Variants in ADA observed in about 807,000 individuals in gnomAD.
ADA encodes adenosine deaminase.
Under a neutral mutation model 49.0 loss-of-function variants are expected in ADA, and 45 were observed. That is an observed-to-expected ratio of 0.92 (90% CI 0.72 to 1.18). The LOEUF is 1.18. ADA is among the 50% of genes most tolerant of loss of function. The pLI is 0.00. For missense variants in ADA, 445 were observed against 472.5 expected (o/e 0.94, Z 0.54); for synonymous variants, 173 against 184.2 (o/e 0.94, Z 0.49).
intron 1 of ADA, among the ~76,000 whole-genome samples, chr20:44,637,883 A>C (rs2065494900): frequency 6.6e-6 from 1 of 152,222 alleles, no homozygotes; most frequent in African/African-American, 2.4e-5. Flanking sequence ...CCACCCAGCC[A>C]AACGTCTGTT....
Position 44,624,205 on chromosome 20 carries a change from G to A in ADA, c.603C>T (p.Tyr201=). 6.2e-7 allele frequency: 1 copy of A among 1,611,268 alleles called. No homozygotes were observed. Among genetic ancestry groups the A allele is most frequent in the South Asian group, 1.1e-5 (1 of 90,566 alleles). Residue 201 remains tyrosine (Y), a synonymous_variant, in exon 6 of 12, where the codon TAC becomes TAT. Coordinates refer to ENST00000372874, the MANE Select transcript of ADA (RefSeq NM_000022.4). ...SSLLPGHVQA[Y]QEAVKSGIHR... ...CATTCCTTCTCACAGGACCCACCTGGTAGGCCTGGACATGTCCAGGCAAGA... is the reference window on the plus strand; with the variant it reads ...CATTCCTTCTCACAGGACCCACCTGATAGGCCTGGACATGTCCAGGCAAGA...
rs2065310910 is a variant in ADA at position 44,619,851 on chromosome 20, C to T, written c.1079-4G>A. Reference sequence around the variant, plus strand: ...TGGCGTCTTCAGAGGTTCTGCCCTGCTCGTTGGTTCAGAGAAGCAAAAAGA... The same window carrying T: ...TGGCGTCTTCAGAGGTTCTGCCCTGTTCGTTGGTTCAGAGAAGCAAAAAGA... On this transcript the variant is annotated splice_polypyrimidine_tract_variant and splice_region_variant and intron_variant, in intron 11 of 11. Coordinates refer to ENST00000372874, the MANE Select transcript of ADA (RefSeq NM_000022.4). 1 of 1,614,046 alleles carries T rather than the reference C, an allele frequency of 6.2e-7. No individual in the cohort carries two copies. Among genetic ancestry groups the T allele is most frequent in the African/African-American group, 1.3e-5 (1 of 74,918 alleles).
chr20:44,642,631 C>T (rs1289435935), intron 1 of ADA, among the ~76,000 whole-genome samples: 5 of 151,968 alleles, frequency 3.3e-5, no homozygotes, highest in Non-Finnish European at 5.9e-5. Context: ...TTGCAGAGGC[C>T]GAAGCAAAGG....
In ADA at chr20:44,626,523, C is replaced by A; in HGVS notation, c.295G>T (p.Glu99Ter). The stretch of plus-strand genomic sequence containing the variant: ...AGCAGGTGCGGACTGTACCGCACCT[C>A]CACATACACCACGCCCTCTTTGGCC... ...MKAKEGVVYV[E>*]VRYSPHLLAN... Residue 99 changes from glutamate (E) to a stop codon, truncating the protein, a stop_gained, in exon 4 of 12, where the codon GAG becomes TAG. Transcript: ENST00000372874. LOFTEE classifies it high-confidence loss of function. The A allele has an allele frequency of 6.2e-7, 1 of 1,614,190 alleles. No homozygotes were observed. The highest frequency in any genetic ancestry group is 2.2e-5 in the East Asian group (1 of 44,878).
chr20:44,640,651 T>G (rs1488676731), intron 1 of ADA, among the ~76,000 whole-genome samples: 2 of 132,966 alleles, frequency 1.5e-5, no homozygotes, highest in South Asian at 2.7e-4. Context: ...TGGGTGAAAG[T>G]GCAAAACTCC....
chr20:44,639,913 A>C (rs2065516067), intron 1 of ADA, among the ~76,000 whole-genome samples: 1 of 152,100 alleles, frequency 6.6e-6, no homozygotes, highest in Admixed American at 6.6e-5. Context: ...AACTTTGACC[A>C]GCACAAGCAC....
intron 9 of ADA, 139 bp from the exon 10 acceptor site, chr20:44,621,286 G>T: frequency 8.6e-7 from 1 of 1,159,506 alleles, no homozygotes; most frequent in Non-Finnish European, 1.2e-6. Flanking sequence ...TGCAGAGGGG[G>T]AAATAAATTC....
intron 2 of ADA, among the ~76,000 whole-genome samples, chr20:44,629,852 C>T (rs2065417723): frequency 6.6e-6 from 1 of 152,200 alleles, no homozygotes; most frequent in South Asian, 2.1e-4. Flanking sequence ...GCCTCCATTT[C>T]TCCCCAAGCA....
chr20:44,641,457 GGA>G (rs2065533520), intron 1 of ADA, among the ~76,000 whole-genome samples: 1 of 150,580 alleles, frequency 6.6e-6, no homozygotes, highest in East Asian at 2.0e-4. Flanking sequence ...TAGCAGCCTT[GGA>G]GGGGGCAGGA....
At chr20:44,651,185 G>A (rs2065641943) in intron 1 of ADA, among the ~76,000 whole-genome samples, 1 of 152,320 alleles carries the variant, frequency 6.6e-6, no homozygotes, top group African/African-American at 2.4e-5. Context: ...TGAGCACTCA[G>A]TAGGCGCCGG....
At chr20:44,628,090 T>TGAAA (rs1465842241) in intron 3 of ADA, among the ~76,000 whole-genome samples, 1 of 151,326 alleles carries the variant, frequency 6.6e-6, no homozygotes, top group Non-Finnish European at 1.5e-5. Flanking sequence ...CCATGAAGAG[T>TGAAA]GAAAATGAAG....
At chr20:44,625,720 A>C (rs2065376425) in intron 4 of ADA, 36 bp from the exon 5 acceptor site, 3 of 1,514,056 alleles carry the variant, frequency 2.0e-6, no homozygotes, top group Non-Finnish European at 2.7e-6. Flanking sequence ...GGCCTGAGGC[A>C]AAAGGAAGGC....
chr20:44,629,439 T>TGTGC (rs2065413510), intron 2 of ADA, among the ~76,000 whole-genome samples: 1 of 150,312 alleles, frequency 6.7e-6, no homozygotes, highest in African/African-American at 2.5e-5. Context: ...TGTGTGTGTG[T>TGTGC]ATGTGTGCAC....
chr20:44,620,826 C>G (rs1292828621), intron 10 of ADA, 192 bp downstream of exon 10: 9 of 736,498 alleles, frequency 1.2e-5, no homozygotes, highest in African/African-American at 3.5e-5. Context: ...AGCAAAGGAT[C>G]AAAAACCTGG....
intron 6 of ADA, 105 bp from the exon 7 acceptor site, chr20:44,623,183 C>T: frequency 2.6e-6 from 4 of 1,525,886 alleles, no homozygotes; most frequent in Non-Finnish European, 2.7e-6. Context: ...ATGCTGCCTG[C>T]TTCAACAGCA....
chr20:44,632,589 A>G (rs1325310868), intron 2 of ADA, among the ~76,000 whole-genome samples: 1 of 152,126 alleles, frequency 6.6e-6, no homozygotes, highest in Non-Finnish European at 1.5e-5. Context: ...CTGGAGCCCA[A>G]AGTTGAAGCA....
At chr20:44,645,802 C>T (rs1471658910) in intron 1 of ADA, among the ~76,000 whole-genome samples, 3 of 152,126 alleles carry the variant, frequency 2.0e-5, no homozygotes, top group African/African-American at 7.2e-5. Context: ...ATTCAAGCTC[C>T]TCTAGCTGGA....
chr20:44,643,517 G>A (rs1027383421), intron 1 of ADA, among the ~76,000 whole-genome samples: 1 of 152,172 alleles, frequency 6.6e-6, no homozygotes, highest in Non-Finnish European at 1.5e-5. Flanking sequence ...TGTTACAGAT[G>A]GGGAAATGGA....
chr20:44,619,663 C>T lies in ADA; in HGVS notation c.*171G>A, dbSNP rs547223553. On this transcript the variant is annotated 3_prime_UTR_variant, in exon 12 of 12. Transcript: ENST00000372874. ...AGGGCACATAATCAGAGAAGTGACG[C>T]GGCCATGCCGAGGTATACGTGTGTG... 5.6e-5 allele frequency: 46 copies of T among 820,780 alleles called. No homozygotes were observed. Among genetic ancestry groups the T allele is most frequent in the Middle Eastern group, 5.1e-4 (2 of 3,890 alleles). The allele number at this position is 820,780 out of a possible 1,614,324, so 50.8% of individuals were successfully genotyped here. A position where few individuals can be genotyped will look rare whatever the true frequency, so the allele number is the denominator to read the frequency against.
Sources: gnomAD v4.1 joint callset for allele counts (sites outside exome capture counted in the v4.1 genomes callset) on GRCh38, gnomAD v4.1.1 for gene constraint, MANE v1.5 for transcripts, NCBI Gene and HGNC (gene_info 2026-07-23, HGNC 2026-07-21) for gene names.